The following C9orf152 variants were observed in gnomAD, a reference collection of about 807,000 sequenced individuals.
C9orf152 encodes the protein uncharacterized protein C9orf152.
C9orf152 carries 8 observed loss-of-function variants against 8.5 expected under a neutral mutation model. That is an observed-to-expected ratio of 0.94 (90% CI 0.55 to 1.70). The LOEUF (loss-of-function observed/expected upper bound fraction) is 1.70. C9orf152 is among the 40% of genes most tolerant of loss of function. The pLI, the probability that C9orf152 is intolerant of heterozygous loss-of-function variation, is 0.00. For missense variants in C9orf152, 293 were observed against 286.2 expected (o/e 1.02, Z -0.17); for synonymous variants, 109 against 113.0 (o/e 0.96, Z 0.22).
rs1031557576 is a variant in C9orf152 at position 110,199,791 on chromosome 9, C to G, written c.*1157G>C. 1 of 152,036 alleles carries G rather than the reference C, an allele frequency of 6.6e-6. No homozygotes were observed. Among genetic ancestry groups the G allele is most frequent in the Admixed American group, 6.6e-5 (1 of 15,260 alleles). The allele number at this position is 152,036 out of a possible 1,614,324, so 9.4% of individuals were successfully genotyped here. On this transcript the variant is annotated 3_prime_UTR_variant, in exon 2 of 2. Coordinates refer to ENST00000400613, the MANE Select transcript of C9orf152 (RefSeq NM_001012993.3). ...AAAGAAAGGTGGGAGTGAAACTTTA[C>G]AGAGAAAGCACCTGAGATGAGGGAA... is the stretch of plus-strand genomic sequence containing the variant.
intron 1 of C9orf152, among the ~76,000 whole-genome samples, chr9:110,204,936 T>C (rs1258209872): frequency 6.6e-6 from 1 of 152,252 alleles, no homozygotes; most frequent in Non-Finnish European, 1.5e-5. Context: ...TTGTAGTGTA[T>C]GGCAGAATTT....
Position 110,200,817 on chromosome 9 carries a change from C to G in C9orf152, c.*131G>C, listed in dbSNP as rs528449619. ...TGTTACCATTGTGAAGTTCGTCTCC[C>G]ACAATTCCTATAATTAGGTTAGTCC... On this transcript the variant is annotated 3_prime_UTR_variant, in exon 2 of 2. Coordinates refer to ENST00000400613, the MANE Select transcript of C9orf152 (RefSeq NM_001012993.3). 2 of 949,568 alleles carry G rather than the reference C, an allele frequency of 2.1e-6. No homozygotes were observed. The highest frequency in any genetic ancestry group is 4.9e-5 in the Admixed American group (2 of 40,918). The allele number at this position is 949,568 out of a possible 1,614,324, so 58.8% of individuals were successfully genotyped here. A position where few individuals can be genotyped will look rare whatever the true frequency, so the allele number is the denominator to read the frequency against.
chr9:110,206,262 C>T (rs1436075135), intron 1 of C9orf152, among the ~76,000 whole-genome samples: 3 of 152,080 alleles, frequency 2.0e-5, no homozygotes, highest in African/African-American at 7.3e-5. Context: ...ATAGTGAATT[C>T]TCTGGGGGCA....
chr9:110,205,974 C>T (rs1174967807), intron 1 of C9orf152, among the ~76,000 whole-genome samples: 1 of 151,838 alleles, frequency 6.6e-6, no homozygotes, highest in Non-Finnish European at 1.5e-5. Flanking sequence ...GGAGAATTGC[C>T]TGAACCCGGG....
chr9:110,202,012 T>A (rs186674575), intron 1 of C9orf152, among the ~76,000 whole-genome samples: 3 of 152,318 alleles, frequency 2.0e-5, no homozygotes, highest in South Asian at 2.1e-4. Context: ...TGGGTTCACA[T>A]ATTCTCACCA....
At chr9:110,203,225 G>A (rs111746377) in intron 1 of C9orf152, among the ~76,000 whole-genome samples, 1 of 151,738 alleles carries the variant, frequency 6.6e-6, no homozygotes, top group Non-Finnish European at 1.5e-5. Context: ...GGGTTTCACT[G>A]TGTTAGCCAG....
chr9:110,207,630 G>A lies in C9orf152; in HGVS notation c.-51C>T. The A allele has an allele frequency of 7.0e-7, 1 of 1,420,660 alleles. No individual in the cohort carries two copies. The highest frequency in any genetic ancestry group is 9.4e-7 in the Non-Finnish European group (1 of 1,066,738). 88.0% of individuals were successfully genotyped at this position (1,420,660 alleles called of 1,614,324 possible). A position where few individuals can be genotyped will look rare whatever the true frequency, so the allele number is the denominator to read the frequency against. On this transcript the variant is annotated 5_prime_UTR_variant, in exon 1 of 2. Transcript: ENST00000400613. ...AGCTGGGTGGGGCAGGACCTGGGGA[G>A]GGGAGAGAGAGGGAGGGGGCAGTGA...
At chr9:110,204,676 G>T (rs1349145010) in intron 1 of C9orf152, among the ~76,000 whole-genome samples, 1 of 152,166 alleles carries the variant, frequency 6.6e-6, no homozygotes, top group Non-Finnish European at 1.5e-5. Context: ...GCACAGTTTA[G>T]TAGTGTTCAG....
rs377459467 is a variant in C9orf152, at chr9:110,207,424, C to T, written c.156G>A (p.Gln52=). The change falls in exon 1 of 2, where the codon CAG becomes CAA. Residue 52 remains glutamine, a synonymous_variant. Transcript: ENST00000400613. ...LRAQYEGLKR[Q]QRTQAHLLVL... is the part of the protein sequence containing the mutation. ...CCAGGAGGTGGGCCTGGGTCCTCTG[C>T]TGCCTCTTCAAGCCTTCATACTGGG... 1.2e-6 allele frequency: 2 copies of T among 1,613,134 alleles called. No individual in the cohort carries two copies. Among genetic ancestry groups the T allele is most frequent in the African/African-American group, 2.7e-5 (2 of 74,904 alleles).
intron 1 of C9orf152, among the ~76,000 whole-genome samples, chr9:110,204,521 C>T (rs1268904851): frequency 6.6e-6 from 1 of 152,194 alleles, no homozygotes; most frequent in Non-Finnish European, 1.5e-5. Context: ...GCACTGGGCA[C>T]TGAGGATCAC....
In C9orf152 at chr9:110,207,597, G is replaced by A; in HGVS notation, c.-18C>T. ...CCCTCCATCCGGATCCGGGAGAAAA[G>A]CAAACACAGCTGGGTGGGGCAGGAC... is the stretch of plus-strand genomic sequence containing the variant. On this transcript the variant is annotated 5_prime_UTR_variant, in exon 1 of 2. Transcript: ENST00000400613. The A allele has an allele frequency of 6.4e-7, 1 of 1,555,160 alleles. No homozygotes were observed. The highest frequency in any genetic ancestry group is 8.7e-7 in the Non-Finnish European group (1 of 1,154,366).
rs777961466 is a variant in C9orf152 at position 110,207,446 on chromosome 9, T to C, written c.134A>G (p.Gln45Arg). The C allele has an allele frequency of 1.2e-6, 2 of 1,613,334 alleles. No homozygotes were observed. The highest frequency in any genetic ancestry group is 1.7e-6 in the Non-Finnish European group (2 of 1,179,696). The change falls in exon 1 of 2, where the codon CAG (glutamine) becomes CGG (arginine). Residue 45 changes from glutamine (Q) to arginine (R), a missense_variant. By Grantham distance (43) the Gln-to-Arg change is conservative. Transcript: ENST00000400613. ...PPLSIQFLRA[Q>R]YEGLKRQQRT... ...CTGCTGCCTCTTCAAGCCTTCATAC[T>C]GGGCTCGCAGGAACTGGATGCTGAG... is the stretch of plus-strand genomic sequence containing the variant.
intron 1 of C9orf152, among the ~76,000 whole-genome samples, chr9:110,204,760 G>A (rs1837256631): frequency 6.6e-6 from 1 of 151,934 alleles, no homozygotes; most frequent in Non-Finnish European, 1.5e-5. Context: ...AAACAATAAC[G>A]CCCCACTTCC....
intron 1 of C9orf152, among the ~76,000 whole-genome samples, chr9:110,203,154 T>G (rs1311367944): frequency 1.3e-5 from 2 of 151,818 alleles, no homozygotes; most frequent in Admixed American, 1.3e-4. Context: ...CCCGAGTAGC[T>G]GGGTCTATAG....
Position 110,207,931 on chromosome 9 carries a change from A to C in C9orf152, c.-352T>G. 4.6e-6 allele frequency: 1 copy of C among 216,390 alleles called. No individual in the cohort carries two copies. The highest frequency in any genetic ancestry group is 9.0e-6 in the Non-Finnish European group (1 of 110,590). 13.4% of individuals were successfully genotyped at this position (216,390 alleles called of 1,614,324 possible). The stretch of plus-strand genomic sequence containing the variant: ...CGAGAGAAGAAAGAGAGGGAGGAAG[A>C]TGGAGACAGGCAGGAGGAGGCAGGG... On this transcript the variant is annotated 5_prime_UTR_variant, in exon 1 of 2. Coordinates refer to ENST00000400613, the MANE Select transcript of C9orf152 (RefSeq NM_001012993.3).
At chr9:110,201,552 C>A (rs1837222282) in intron 1 of C9orf152, 78 bp from the exon 2 acceptor site, 4 of 1,246,440 alleles carry the variant, frequency 3.2e-6, no homozygotes, top group South Asian at 1.7e-5. Flanking sequence ...TCATTGCTTT[C>A]AAGCTGAAGG....
In C9orf152 at chr9:110,203,248, T is replaced by C. The variant is rs375240284; in HGVS notation, c.194-1774A>G. Among the ~76,000 whole-genome samples, 19 of 152,050 alleles carry C rather than the reference T, an allele frequency of 1.2e-4. No homozygotes were observed. In the East Asian group the frequency reaches 2.5e-3, roughly 20 times the overall value. On this transcript the variant is annotated intron_variant, in intron 1 of 1. Transcript: ENST00000400613. ...CTGTGTTAGCCAGGATGGTCTCGAT[T>C]TCCTGACCTTGTGATCCGCCCGCCT...
chr9:110,202,325 C>T lies in C9orf152; in HGVS notation c.194-851G>A, dbSNP rs145836408. Among the ~76,000 whole-genome samples the T allele has an allele frequency of 8.4e-4, 128 of 152,260 alleles. 1 individual carries two copies. The highest frequency in any genetic ancestry group is 2.7e-3 in the African/African-American group (114 of 41,550). On this transcript the variant is annotated intron_variant, in intron 1 of 1. Transcript: ENST00000400613. ...CTTGAACTCCTGACCTCAAGTGATCCGCCCGCCTCAGACTCCCAAAGTGTT... is the reference window on the plus strand; with the variant it reads ...CTTGAACTCCTGACCTCAAGTGATCTGCCCGCCTCAGACTCCCAAAGTGTT...
In C9orf152 at chr9:110,201,444, A is replaced by G. The variant is rs1386323031; in HGVS notation, c.224T>C (p.Met75Thr). ...CTTGTTAATCCAAACAGCATTGACC[A>G]TCGATTCTGCAGGAGCAGGTGTGTT... ...GGNTPAPAESMVNAVWINKER... is the reference protein window; with the variant it reads ...GGNTPAPAESTVNAVWINKER... Residue 75 changes from methionine to threonine, a missense_variant, in exon 2 of 2, where the codon ATG becomes ACG. Physicochemically the swap from Met to Thr is moderately conservative, Grantham distance 81. Coordinates refer to ENST00000400613, the MANE Select transcript of C9orf152 (RefSeq NM_001012993.3). 8.6e-6 allele frequency: 13 copies of G among 1,519,142 alleles called. No homozygotes were observed. The highest frequency in any genetic ancestry group is 1.1e-5 in the Non-Finnish European group (12 of 1,141,370). The allele number at this position is 1,519,142 out of a possible 1,614,324, so 94.1% of individuals were successfully genotyped here. A position where few individuals can be genotyped will look rare whatever the true frequency, so the allele number is the denominator to read the frequency against.
Sources: allele counts gnomAD v4.1 joint callset (sites outside exome capture counted in the v4.1 genomes callset), GRCh38; gene constraint gnomAD v4.1.1; transcripts MANE v1.5; gene names NCBI Gene and HGNC (gene_info 2026-07-23, HGNC 2026-07-21).